The following NTMT1 variants were observed in gnomAD, a reference collection of about 807,000 sequenced individuals.
The protein encoded by NTMT1 is N-terminal RCC1 methyltransferase.
In NTMT1, 8 loss-of-function variants were observed where a neutral mutation model predicts 17.5. The observed-to-expected ratio is 0.46, with a 90% CI of 0.27 to 0.82. The LOEUF is 0.82. Ranked by LOEUF, NTMT1 falls within the 40% of genes least tolerant of loss-of-function variation. The pLI is 0.15. For missense variants in NTMT1, 221 were observed against 303.5 expected (o/e 0.73, Z 2.02); for synonymous variants, 128 against 126.8 (o/e 1.01, Z -0.06).
At chr9:129,612,394 A>T in intron 1 of NTMT1, 1 of 1,613,152 alleles carries the variant, frequency 6.2e-7, no homozygotes, top group Non-Finnish European at 8.5e-7. Context: ...AGGAGATGGT[A>T]CCCCTTAGGG....
upstream of NTMT1, among the ~76,000 whole-genome samples, chr9:129,622,167 G>A (rs368249722): frequency 1.9e-4 from 29 of 152,316 alleles, no homozygotes; most frequent in African/African-American, 7.0e-4. Flanking sequence ...TCCACCCCAA[G>A]ACCAGGCAGT....
chr9:129,615,701 A>G, intron 1 of NTMT1: 2 of 1,475,712 alleles, frequency 1.4e-6, no homozygotes, highest in South Asian at 1.4e-5. Context: ...ACCCCAGCAC[A>G]CACGCACCAG....
At chr9:129,618,944 A>G (rs1336778641) in intron 1 of NTMT1, among the ~76,000 whole-genome samples, 1 of 147,414 alleles carries the variant, frequency 6.8e-6, no homozygotes, top group East Asian at 2.0e-4. Flanking sequence ...TCAATCTCCT[A>G]ACCTCGTGAT....
chr9:129,620,148 G>A lies in NTMT1; in HGVS notation c.-55+10970G>A. The A allele has an allele frequency of 2.0e-6, 3 of 1,464,154 alleles. No individual in the cohort carries two copies. The highest frequency in any genetic ancestry group is 2.7e-6 in the Non-Finnish European group (3 of 1,104,358). The allele number at this position is 1,464,154 out of a possible 1,614,324, so 90.7% of individuals were successfully genotyped here. A position where few individuals can be genotyped will look rare whatever the true frequency, so the allele number is the denominator to read the frequency against. ...AACCTGCTGGGGAGGAGCTCTCCTAGGAAGGCGCCCAAGAAGTCGGGGTCC... is the reference window on the plus strand; with the variant it reads ...AACCTGCTGGGGAGGAGCTCTCCTAAGAAGGCGCCCAAGAAGTCGGGGTCC... On this transcript the variant is annotated intron_variant, in intron 1 of 3. Coordinates refer to the NTMT1 transcript ENST00000372486. This position sits in a 1 kb window ranked among gnomAD's most constrained non-coding sequence, Gnocchi z 5.8.
intron 1 of NTMT1, chr9:129,612,491 G>A (rs566200924): frequency 6.5e-7 from 1 of 1,549,350 alleles, no homozygotes; most frequent in African/African-American, 1.4e-5. Context: ...CTGCTACCAG[G>A]ACCTCGGGGC....
rs1830226124 is a variant in NTMT1 at position 129,614,033 on chromosome 9, A to G, written c.-55+4855A>G. On this transcript the variant is annotated intron_variant, in intron 1 of 3. Coordinates refer to the NTMT1 transcript ENST00000372486. The surrounding 1 kb of genome is among the most constrained non-coding windows in gnomAD (Gnocchi z 4.4). The stretch of plus-strand genomic sequence containing the variant: ...TGCCCCAGGATGGAAAGGGCTGGGA[A>G]GCAGCAGGCTGGCCCCCACGTCTCC... Among the ~76,000 whole-genome samples, 1 of 152,182 alleles carries G rather than the reference A, an allele frequency of 6.6e-6. No individual in the cohort carries two copies. The highest frequency in any genetic ancestry group is 6.5e-5 in the Admixed American group (1 of 15,284).
intron 1 of NTMT1, chr9:129,612,344 T>C (rs1295523986): frequency 6.2e-7 from 1 of 1,612,658 alleles, no homozygotes; most frequent in Non-Finnish European, 8.5e-7. Context: ...GGTTCGCGAG[T>C]GTTCACCTCT....
chr9:129,626,401 C>G (rs377416498), intron 1 of NTMT1, 106 bp downstream of exon 1: 4 of 152,280 alleles, frequency 2.6e-5, no homozygotes, highest in African/African-American at 9.6e-5. Context: ...CGGCTCGTCA[C>G]GTGACCCGGC....
In NTMT1 at chr9:129,612,435, C is replaced by T. The variant is rs146484870; in HGVS notation, c.-55+3257C>T. ...TTGCTTCAGGACCGACTGCAGCACC[C>T]GGTTGGGCAGGAGGGACTCCTAGAG... On this transcript the variant is annotated intron_variant, in intron 1 of 3. Transcript: ENST00000372486. 206 of 1,612,234 alleles carry T rather than the reference C, an allele frequency of 1.3e-4. No homozygotes were observed. The highest frequency in any genetic ancestry group is 9.8e-4 in the East Asian group (44 of 44,876).
Position 129,635,557 on chromosome 9 carries a change from A to T in NTMT1, c.*93A>T. 1 of 1,430,448 alleles carries T rather than the reference A, an allele frequency of 7.0e-7. No individual in the cohort carries two copies. Among genetic ancestry groups the T allele is most frequent in the Non-Finnish European group, 9.5e-7 (1 of 1,053,792 alleles). 88.6% of individuals were successfully genotyped at this position (1,430,448 alleles called of 1,614,324 possible). ...CCAGGCGCCACGCTGGCGGTTCGTG[A>T]GTGTCGAGGCACCACTAAATATAGC... On this transcript the variant is annotated 3_prime_UTR_variant, in exon 4 of 4. Transcript: ENST00000372483.
At chr9:129,612,531 G>A in intron 1 of NTMT1, 1 of 1,140,094 alleles carries the variant, frequency 8.8e-7, no homozygotes, top group Non-Finnish European at 1.3e-6. Context: ...GGGATTCTGT[G>A]CTGAAGCCCT....
chr9:129,620,486 G>A lies in NTMT1; in HGVS notation c.-55+11308G>A, dbSNP rs1345488806. On this transcript the variant is annotated intron_variant, in intron 1 of 3. Transcript: ENST00000372486. This position sits in a 1 kb window ranked among gnomAD's most constrained non-coding sequence, Gnocchi z 5.8. ...GGGCGGGGTCAGCTTGGGCAGCCGCGGGTCGCTGCTGCGTCGGAAGTCTCC... is the reference window on the plus strand; with the variant it reads ...GGGCGGGGTCAGCTTGGGCAGCCGCAGGTCGCTGCTGCGTCGGAAGTCTCC... The A allele has an allele frequency of 2.2e-6, 3 of 1,393,504 alleles. No individual in the cohort carries two copies. The highest frequency in any genetic ancestry group is 2.8e-6 in the Non-Finnish European group (3 of 1,069,340). The allele number at this position is 1,393,504 out of a possible 1,614,324, so 86.3% of individuals were successfully genotyped here. A position where few individuals can be genotyped will look rare whatever the true frequency, so the allele number is the denominator to read the frequency against.
rs768225333 is a variant in NTMT1 at position 129,613,384 on chromosome 9, G to A, written c.-55+4206G>A. 5 of 1,598,908 alleles carry A rather than the reference G, an allele frequency of 3.1e-6. No individual in the cohort carries two copies. The Admixed American group carries it at 6.8e-5, about 22-fold the overall frequency. ...GGGGAGGTCTGTAGGCAAGGGGGGT[G>A]GAGGGCCCTGGCAATGTCCACGAGT... On this transcript the variant is annotated intron_variant, in intron 1 of 3. Coordinates refer to the NTMT1 transcript ENST00000372486. The surrounding 1 kb of genome is among the most constrained non-coding windows in gnomAD (Gnocchi z 6.2).
At position 129,613,475 on chromosome 9, in the gene NTMT1, C is replaced by A; in HGVS notation, c.-55+4297C>A. ...CAACACGAGGAGCTGGCCAGGGTCT[C>A]CTCCTTGGCCCCAGGGTACAGGGCT... On this transcript the variant is annotated intron_variant, in intron 1 of 3. Coordinates refer to the NTMT1 transcript ENST00000372486. This position sits in a 1 kb window ranked among gnomAD's most constrained non-coding sequence, Gnocchi z 6.2. 1 of 1,614,122 alleles carries A rather than the reference C, an allele frequency of 6.2e-7. No homozygotes were observed. The highest frequency in any genetic ancestry group is 8.5e-7 in the Non-Finnish European group (1 of 1,180,018).
chr9:129,632,757 C>G lies in NTMT1; in HGVS notation c.54C>G (p.Thr18=). ...DEKQFYSKAK[T]YWKQIPPTVD... ...AGCAATTCTATTCCAAGGCCAAGAC[C>G]TACTGGAAACAAATCCCACCCACGG... is the stretch of plus-strand genomic sequence containing the variant. Residue 18 remains threonine, a synonymous_variant, in exon 2 of 4, where the codon ACC becomes ACG. Coordinates refer to ENST00000372483, the MANE Select transcript of NTMT1 (RefSeq NM_014064.4). 6.2e-7 allele frequency: 1 copy of G among 1,614,216 alleles called. No individual in the cohort carries two copies. Among genetic ancestry groups the G allele is most frequent in the South Asian group, 1.1e-5 (1 of 91,088 alleles).
intron 1 of NTMT1, chr9:129,615,454 G>A: frequency 6.5e-7 from 1 of 1,534,318 alleles, no homozygotes; most frequent in Non-Finnish European, 8.8e-7. Context: ...ACTTTCGGGA[G>A]TCTCGAGGCT....
At chr9:129,623,848 C>T (rs572778105), upstream of NTMT1, among the ~76,000 whole-genome samples, 93 of 99,264 alleles carry the variant, frequency 9.4e-4, no homozygotes, top group Admixed American at 1.9e-3. Context: ...TTTTTGGAGA[C>T]GGAGTCGCGA....
intron 1 of NTMT1, among the ~76,000 whole-genome samples, chr9:129,630,760 G>A (rs73670148): frequency 0.047 from 7,159 of 152,326 alleles, 205 homozygotes; most frequent in South Asian, 0.093. Flanking sequence ...CAGCACGTGC[G>A]AGGCGGTGAG....
intron 1 of NTMT1, chr9:129,612,961 G>T: frequency 1.0e-6 from 1 of 982,252 alleles, no homozygotes; most frequent in Non-Finnish European, 1.5e-6. Flanking sequence ...ACAGGGCGTG[G>T]CCACTGCAAG....
Sources: allele counts gnomAD v4.1 joint callset (sites outside exome capture counted in the v4.1 genomes callset), GRCh38; gene constraint gnomAD v4.1.1; non-coding constraint Gnocchi (gnomAD v3.1); transcripts MANE v1.5; gene names NCBI Gene and HGNC (gene_info 2026-07-23, HGNC 2026-07-21).